Variants in MDGA2 observed in about 807,000 individuals in gnomAD.
MDGA2 encodes MAM domain containing glycosylphosphatidylinositol anchor 2.
In MDGA2, 40 loss-of-function variants were observed where a neutral mutation model predicts 117.8. The observed-to-expected ratio is 0.34, with a 90% CI of 0.26 to 0.44. The LOEUF (loss-of-function observed/expected upper bound fraction) is 0.44, where lower values mean the gene tolerates loss of function less well. Among genes scored for constraint, MDGA2 ranks in the 20% least tolerant of loss-of-function variants. The pLI, the probability that MDGA2 is intolerant of heterozygous loss-of-function variation, is 1.00. For missense variants in MDGA2, 1,123 were observed against 1,250.6 expected (o/e 0.90, Z 1.54); for synonymous variants, 452 against 439.0 (o/e 1.03, Z -0.37).
At chr14:47,621,796 A>C (rs1223401620) in intron 1 of MDGA2, among the ~76,000 whole-genome samples, 1 of 152,236 alleles carries the variant, frequency 6.6e-6, no homozygotes, top group Non-Finnish European at 1.5e-5. Context: ...CAAAGTGAAG[A>C]AGACACAGAG....
chr14:47,072,181 A>G (rs918317010), intron 6 of MDGA2, among the ~76,000 whole-genome samples: 1 of 151,800 alleles, frequency 6.6e-6, no homozygotes, highest in Non-Finnish European at 1.5e-5. Flanking sequence ...ATAAGAAATA[A>G]GAGTCACACG....
intron 7 of MDGA2, among the ~76,000 whole-genome samples, chr14:47,045,703 G>A (rs1032885033): frequency 6.6e-6 from 1 of 152,080 alleles, no homozygotes; most frequent in Non-Finnish European, 1.5e-5. Flanking sequence ...AGTGATTCAC[G>A]CCTGTAATTC....
chr14:47,498,227 C>T (rs1894323119), intron 1 of MDGA2, among the ~76,000 whole-genome samples: 1 of 152,130 alleles, frequency 6.6e-6, no homozygotes, highest in South Asian at 2.1e-4. Context: ...CTATCAATAT[C>T]CAGATACCAG....
intron 8 of MDGA2, among the ~76,000 whole-genome samples, chr14:46,974,489 C>T (rs973041905): frequency 6.6e-5 from 10 of 151,992 alleles, no homozygotes; most frequent in Admixed American, 2.6e-4. Flanking sequence ...CTACAGAGCT[C>T]CAGCAATCAA....
At chr14:47,598,182 A>T (rs7157837) in intron 1 of MDGA2, among the ~76,000 whole-genome samples, 1 of 151,968 alleles carries the variant, frequency 6.6e-6, no homozygotes, top group African/African-American at 2.4e-5. Context: ...AACAAATGTT[A>T]GTAAGGATAT....
At chr14:47,421,637 C>A (rs1415667436) in intron 1 of MDGA2, among the ~76,000 whole-genome samples, 1 of 152,034 alleles carries the variant, frequency 6.6e-6, no homozygotes, top group African/African-American at 2.4e-5. Context: ...TTGTAATTAT[C>A]CCTAGTAGAT....
intron 2 of MDGA2, among the ~76,000 whole-genome samples, chr14:47,256,881 AAAAGAAAGAAAAAAGAAGGAAAG>A (rs1258975880): frequency 1.3e-5 from 2 of 151,796 alleles, no homozygotes; most frequent in Non-Finnish European, 2.9e-5. Context: ...AGGAAGAAAG[AAAAGAAAGAAAAAAGAAGGAAAG>A]AAAGAAAGAA....
chr14:47,436,687 G>A (rs1050022115), intron 1 of MDGA2, among the ~76,000 whole-genome samples: 2 of 152,084 alleles, frequency 1.3e-5, no homozygotes. Context: ...GATAGCTGAT[G>A]AGGTAAAAAA....
At chr14:47,606,056 T>C (rs1896737570) in intron 1 of MDGA2, among the ~76,000 whole-genome samples, 1 of 152,210 alleles carries the variant, frequency 6.6e-6, no homozygotes. Context: ...TCTGATACAC[T>C]ATTTTACATA....
At chr14:47,658,775 T>C (rs558498805) in intron 1 of MDGA2, among the ~76,000 whole-genome samples, 176 of 152,272 alleles carry the variant, frequency 1.2e-3, no homozygotes, top group African/African-American at 3.9e-3. Context: ...CCCAAATATA[T>C]TGGCTCTGCC....
chr14:47,032,934 T>G (rs953925311), intron 8 of MDGA2, among the ~76,000 whole-genome samples: 2 of 152,166 alleles, frequency 1.3e-5, no homozygotes, highest in Non-Finnish European at 2.9e-5. Flanking sequence ...CAGGGAAGTT[T>G]TCCTCTGAGA....
intron 1 of MDGA2, among the ~76,000 whole-genome samples, chr14:47,487,049 C>A (rs1045241842): frequency 2.0e-5 from 3 of 152,176 alleles, no homozygotes; most frequent in African/African-American, 7.2e-5. Flanking sequence ...ACACAAAAAT[C>A]TCTTCCCTTA....
At chr14:47,346,138 T>G (rs1192156318) in intron 1 of MDGA2, among the ~76,000 whole-genome samples, 3 of 152,144 alleles carry the variant, frequency 2.0e-5, no homozygotes, top group Non-Finnish European at 4.4e-5. Context: ...GTGACGGATA[T>G]GCTAATTATC....
chr14:47,582,739 C>A (rs1430120196), intron 1 of MDGA2, among the ~76,000 whole-genome samples: 1 of 151,844 alleles, frequency 6.6e-6, no homozygotes, highest in African/African-American at 2.4e-5. Context: ...CCAGATAAAT[C>A]AATCAAAGGA....
chr14:46,991,115 T>C lies in MDGA2; in HGVS notation c.1820-33472A>G, dbSNP rs560161634. On this transcript the variant is annotated intron_variant, in intron 8 of 16. Transcript: ENST00000399232. ...TATTGGGGTCATATGGCCAGACATT[T>C]TTTATTATTATGAATGTACTTCCTT... is the stretch of plus-strand genomic sequence containing the variant. Among the ~76,000 whole-genome samples the C allele has an allele frequency of 1.0e-3, 153 of 152,266 alleles. 1 individual carries two copies. The highest frequency in any genetic ancestry group is 3.6e-3 in the African/African-American group (148 of 41,586).
At chr14:47,036,602 T>C (rs1303345478) in intron 7 of MDGA2, among the ~76,000 whole-genome samples, 1 of 152,322 alleles carries the variant, frequency 6.6e-6, no homozygotes, top group Non-Finnish European at 1.5e-5. Context: ...ACCAGAAACA[T>C]GAATAATTCT....
In MDGA2 at chr14:47,430,899, G is replaced by A. The variant is rs150475003; in HGVS notation, c.281-129349C>T. Reference sequence around the variant, plus strand: ...TTTCACTTTCATCAGCTGTAAAATGGTATCTATCTTATATGGTTATTTTGA... The same window carrying A: ...TTTCACTTTCATCAGCTGTAAAATGATATCTATCTTATATGGTTATTTTGA... On this transcript the variant is annotated intron_variant, in intron 1 of 16. Transcript: ENST00000399232. Among the ~76,000 whole-genome samples the A allele has an allele frequency of 1.1e-3, 160 of 152,118 alleles. 1 individual carries two copies. The highest frequency in any genetic ancestry group is 3.3e-3 in the African/African-American group (138 of 41,526).
intron 3 of MDGA2, among the ~76,000 whole-genome samples, chr14:47,175,597 CT>C (rs1884404360): frequency 6.6e-6 from 1 of 152,036 alleles, no homozygotes; most frequent in South Asian, 2.1e-4. Flanking sequence ...CAAAATTCAA[CT>C]ACCCTTCATG....
intron 10 of MDGA2, among the ~76,000 whole-genome samples, chr14:46,901,464 C>T (rs1883284415): frequency 6.6e-6 from 1 of 152,146 alleles, no homozygotes; most frequent in African/African-American, 2.4e-5. Context: ...ATACAAAAGT[C>T]AGTGGAACAA....
Sources: allele counts gnomAD v4.1 joint callset (sites outside exome capture counted in the v4.1 genomes callset), GRCh38; gene constraint gnomAD v4.1.1; transcripts MANE v1.5; gene names NCBI Gene and HGNC (gene_info 2026-07-23, HGNC 2026-07-21).